Variants in FOXP2 observed in about 807,000 individuals in gnomAD.
The protein encoded by FOXP2 is forkhead box protein P2.
Under a neutral mutation model 115.8 loss-of-function variants are expected in FOXP2, and 12 were observed. That is an observed-to-expected ratio of 0.10 (90% CI 0.07 to 0.17). The LOEUF (loss-of-function observed/expected upper bound fraction) is 0.17. Among genes scored for constraint, FOXP2 ranks in the 10% least tolerant of loss-of-function variants. The probability of loss-of-function intolerance (pLI) is 1.00; values close to 1 mark genes in which losing one functional copy is unlikely to be tolerated. For synonymous variants in FOXP2, 328 were observed against 297.7 expected (o/e 1.10, Z -1.05); for missense variants, 629 against 843.5 (o/e 0.75, Z 3.15).
chr7:114,153,372 GATTAC>G (rs1288544356), intron 1 of FOXP2, among the ~76,000 whole-genome samples: 2 of 152,114 alleles, frequency 1.3e-5, no homozygotes, highest in Non-Finnish European at 2.9e-5. Flanking sequence ...TGTCATTTTA[GATTAC>G]ATTATTTTAT....
rs375303782 is a variant in FOXP2, at chr7:114,466,117, T to C, written c.168+39438T>C. On this transcript the variant is annotated intron_variant, in intron 2 of 16. Coordinates refer to ENST00000350908, the MANE Select transcript of FOXP2 (RefSeq NM_014491.4). ...GATCTCAGCTTACTTTCTTTTTGAGTTCCATTCTGACAAAATGGCCCTTAC... is the reference window on the plus strand; with the variant it reads ...GATCTCAGCTTACTTTCTTTTTGAGCTCCATTCTGACAAAATGGCCCTTAC... 2.1e-4 allele frequency among the ~76,000 whole-genome samples: 32 copies of C among 152,284 alleles called. No homozygotes were observed. The East Asian group carries it at 5.8e-3, about 28-fold the overall frequency.
At chr7:114,364,231 T>G (rs1791822096) in intron 2 of FOXP2, among the ~76,000 whole-genome samples, 1 of 152,148 alleles carries the variant, frequency 6.6e-6, no homozygotes, top group South Asian at 2.1e-4. Context: ...TTTTAATCAA[T>G]GGCCAGTTAG....
chr7:114,089,746 A>T (rs1309617154), intron 1 of FOXP2, among the ~76,000 whole-genome samples: 1 of 152,030 alleles, frequency 6.6e-6, no homozygotes, highest in Non-Finnish European at 1.5e-5. Context: ...AAGTAGAAAA[A>T]GGTGAACATT....
chr7:114,511,841 A>G (rs895564613), intron 2 of FOXP2, among the ~76,000 whole-genome samples: 2 of 152,092 alleles, frequency 1.3e-5, no homozygotes, highest in East Asian at 1.9e-4. Flanking sequence ...CTAAAATTGT[A>G]TTCTGCATAA....
chr7:114,122,115 A>G (rs958571922), intron 1 of FOXP2, among the ~76,000 whole-genome samples: 5 of 152,096 alleles, frequency 3.3e-5, no homozygotes, highest in African/African-American at 9.7e-5. Context: ...GATTTTCTTC[A>G]TAAACTTGAA....
chr7:114,381,804 C>T (rs937444575), intron 2 of FOXP2, among the ~76,000 whole-genome samples: 1 of 152,022 alleles, frequency 6.6e-6, no homozygotes, highest in African/African-American at 2.4e-5. Context: ...GCTTTTAGGT[C>T]CTTTACAATC....
intron 3 of FOXP2, among the ~76,000 whole-genome samples, chr7:114,559,947 A>G (rs550273788): frequency 1.3e-5 from 2 of 152,206 alleles, no homozygotes; most frequent in Non-Finnish European, 2.9e-5. Flanking sequence ...AGGAACGTCA[A>G]TGGATTTAAT....
At chr7:114,239,037 T>TG (rs1000169135) in intron 1 of FOXP2, among the ~76,000 whole-genome samples, 2 of 124,002 alleles carry the variant, frequency 1.6e-5, no homozygotes, top group African/African-American at 8.4e-5. Context: ...CACGTTTCAG[T>TG]TATAGCTTTA....
chr7:114,454,107 G>C (rs1407045606), intron 2 of FOXP2, among the ~76,000 whole-genome samples: 1 of 149,442 alleles, frequency 6.7e-6, no homozygotes, highest in South Asian at 2.1e-4. Flanking sequence ...GAAAATTTTC[G>C]CAACCTACTC....
chr7:114,392,831 G>A (rs1377580410), intron 2 of FOXP2, among the ~76,000 whole-genome samples: 1 of 152,290 alleles, frequency 6.6e-6, no homozygotes, highest in East Asian at 1.9e-4. Context: ...AGTGTCAGAT[G>A]AATGGAATGT....
chr7:114,446,556 T>C (rs1389041473), intron 2 of FOXP2, among the ~76,000 whole-genome samples: 1 of 151,998 alleles, frequency 6.6e-6, no homozygotes. Context: ...GATTTATATA[T>C]AATCATTCTT....
intron 6 of FOXP2, among the ~76,000 whole-genome samples, chr7:114,635,118 G>A (rs1584975387): frequency 6.6e-6 from 1 of 152,270 alleles, no homozygotes; most frequent in African/African-American, 2.4e-5. Context: ...AATTAAAAAT[G>A]AAATATTTGA....
chr7:114,449,950 T>A (rs1794999116), intron 2 of FOXP2, among the ~76,000 whole-genome samples: 1 of 152,122 alleles, frequency 6.6e-6, no homozygotes, highest in Admixed American at 6.6e-5. Flanking sequence ...CACTTTATAA[T>A]CATACATATA....
upstream of FOXP2, among the ~76,000 whole-genome samples, chr7:114,413,675 C>T (rs1361614817): frequency 6.6e-6 from 1 of 152,112 alleles, no homozygotes; most frequent in South Asian, 2.1e-4. Flanking sequence ...TAATTACTTA[C>T]CCAAAATGTC....
At chr7:114,616,351 A>G (rs1030598670) in intron 3 of FOXP2, among the ~76,000 whole-genome samples, 3 of 151,836 alleles carry the variant, frequency 2.0e-5, no homozygotes, top group Non-Finnish European at 4.4e-5. Flanking sequence ...TTAGTAGAGA[A>G]TGTGTTTCAC....
At chr7:114,297,314 C>T in intron 2 of FOXP2, 1 of 570,732 alleles carries the variant, frequency 1.8e-6, no homozygotes, top group Non-Finnish European at 3.3e-6. Flanking sequence ...CCCACGCAAA[C>T]TTGGTGTGCT....
At chr7:114,386,093 G>A (rs933222700) in intron 2 of FOXP2, among the ~76,000 whole-genome samples, 5 of 152,326 alleles carry the variant, frequency 3.3e-5, no homozygotes, top group East Asian at 1.9e-4. Context: ...GAGTCTCGCC[G>A]TATCAGGAGC....
At chr7:114,577,242 C>T (rs551979928) in intron 3 of FOXP2, among the ~76,000 whole-genome samples, 11 of 151,750 alleles carry the variant, frequency 7.2e-5, no homozygotes, top group Middle Eastern at 3.2e-3. Context: ...TTAAGCAGCA[C>T]GGGACTTCCA....
At chr7:114,556,590 G>C (rs1800466231) in intron 3 of FOXP2, among the ~76,000 whole-genome samples, 2 of 152,194 alleles carry the variant, frequency 1.3e-5, no homozygotes, top group Admixed American at 6.5e-5. Context: ...GAATCTTCAT[G>C]CTTCATTCAT....
Sources: allele counts gnomAD v4.1 joint callset (sites outside exome capture counted in the v4.1 genomes callset), GRCh38; gene constraint gnomAD v4.1.1; transcripts MANE v1.5; gene names NCBI Gene and HGNC (gene_info 2026-07-23, HGNC 2026-07-21).